POLB: variants seen among roughly 807,000 people sequenced by gnomAD.
POLB encodes the protein 5'-dRP lyase.
In POLB, 37 loss-of-function variants were observed where a neutral mutation model predicts 52.7. That is an observed-to-expected ratio of 0.70 (90% CI 0.54 to 0.92). The LOEUF (loss-of-function observed/expected upper bound fraction) is 0.92. POLB is among the 40% of genes least tolerant of loss of function. POLB has a pLI of 0.00. For missense variants in POLB, 313 were observed against 400.8 expected (o/e 0.78, Z 1.87); for synonymous variants, 138 against 131.3 (o/e 1.05, Z -0.35).
At chr8:42,362,368 CA>C (rs772283272) in intron 10 of POLB, among the ~76,000 whole-genome samples, 206 of 132,050 alleles carry the variant, frequency 1.6e-3, no homozygotes, top group Admixed American at 1.7e-3. Context: ...GATTCCCTGC[CA>C]AAAAAAAAAA....
intron 11 of POLB, among the ~76,000 whole-genome samples, chr8:42,363,204 C>A (rs1471704401): frequency 6.6e-6 from 1 of 151,416 alleles, no homozygotes; most frequent in African/African-American, 2.4e-5. Context: ...AAAGAATTTT[C>A]TTTTAATTCT....
At chr8:42,354,370 T>C (rs2130813149) in intron 6 of POLB, 2 of 781,518 alleles carry the variant, frequency 2.6e-6, no homozygotes, top group East Asian at 6.4e-5. Context: ...AGGGGGCTTG[T>C]AGGAATTGCT....
At chr8:42,344,129 C>A (rs1475573283) in intron 2 of POLB, among the ~76,000 whole-genome samples, 1 of 82,260 alleles carries the variant, frequency 1.2e-5, no homozygotes, top group East Asian at 3.5e-4. Context: ...GGCGAGACTC[C>A]GTCTCAAAAA....
rs3136778 is a variant in POLB at position 42,362,891 on chromosome 8, G to A, written c.708+193G>A. Among the ~76,000 whole-genome samples the A allele has an allele frequency of 4.4e-4, 67 of 152,304 alleles. No individual in the cohort carries two copies. In the East Asian group the frequency reaches 9.9e-3, roughly 22 times the overall value. On this transcript the variant is annotated intron_variant, in intron 11 of 13. Coordinates refer to ENST00000265421, the MANE Select transcript of POLB (RefSeq NM_002690.3). ...TGTGATCCCAGCCCTTTGGGAGGCCGAGGCGGGTGGATCGCCTGAGGTCGG... is the reference window on the plus strand; with the variant it reads ...TGTGATCCCAGCCCTTTGGGAGGCCAAGGCGGGTGGATCGCCTGAGGTCGG...
chr8:42,356,279 G>T (rs1423184589), intron 7 of POLB, among the ~76,000 whole-genome samples: 1 of 152,174 alleles, frequency 6.6e-6, no homozygotes, highest in South Asian at 2.1e-4. Flanking sequence ...GACCTGGATG[G>T]TATGGTTCTT....
chr8:42,355,714 A>G, intron 7 of POLB, 147 bp downstream of exon 7: 6 of 588,942 alleles, frequency 1.0e-5, no homozygotes, highest in Non-Finnish European at 1.6e-5. Flanking sequence ...GGACTCTTAC[A>G]GAGTATCTGC....
chr8:42,367,115 G>A lies in POLB; in HGVS notation c.709-2156G>A, dbSNP rs534496335. The stretch of plus-strand genomic sequence containing the variant: ...CCAGGGCAGCAGTTGTATTCAGTCA[G>A]TTCAGCAAATACATACAAGCATGTC... On this transcript the variant is annotated intron_variant, in intron 11 of 13. Coordinates refer to ENST00000265421, the MANE Select transcript of POLB (RefSeq NM_002690.3). Among the ~76,000 whole-genome samples the A allele has an allele frequency of 6.6e-5, 10 of 152,326 alleles. No individual in the cohort carries two copies. In the South Asian group the frequency reaches 1.2e-3, roughly 19 times the overall value.
chr8:42,367,573 A>G (rs1824122529), intron 11 of POLB, among the ~76,000 whole-genome samples: 1 of 152,198 alleles, frequency 6.6e-6, no homozygotes, highest in Non-Finnish European at 1.5e-5. Context: ...AACCATTCTC[A>G]TTCCATATCC....
rs1163249252 is a variant in POLB at position 42,363,527 on chromosome 8, CAAAAAAAAAAA to C, written c.708+848_708+858del. Among the ~76,000 whole-genome samples, 13 of 15,838 alleles carry C rather than the reference CAAAAAAAAAAA, an allele frequency of 8.2e-4. No homozygotes were observed. The South Asian group carries it at 0.017, about 21-fold the overall frequency. 10.4% of individuals were successfully genotyped at this position (15,838 alleles called of 152,430 possible). A position where few individuals can be genotyped will look rare whatever the true frequency, so the allele number is the denominator to read the frequency against. On this transcript the variant is annotated intron_variant, in intron 11 of 13. Coordinates refer to ENST00000265421, the MANE Select transcript of POLB (RefSeq NM_002690.3). ...TGGGTGACAGACCGAGACTCTGTCT[CAAAAAAAAAAA>C]AAAAAAAAAAAAAAAAAAGAATGGG...
chr8:42,340,527 C>T (rs1185988418), intron 2 of POLB, among the ~76,000 whole-genome samples: 1 of 152,140 alleles, frequency 6.6e-6, no homozygotes, highest in East Asian at 1.9e-4. Context: ...AAATCTGAAA[C>T]AATGCTGGTC....
chr8:42,360,815 C>G (rs909635589), intron 9 of POLB, among the ~76,000 whole-genome samples: 1 of 151,756 alleles, frequency 6.6e-6, no homozygotes, highest in African/African-American at 2.4e-5. Context: ...AACTCCTGGG[C>G]TCAGCGATCC....
intron 3 of POLB, 83 bp from the exon 4 acceptor site, chr8:42,348,933 A>G: frequency 2.7e-6 from 2 of 748,928 alleles, no homozygotes; most frequent in Non-Finnish European, 4.4e-6. Context: ...TTTGTTTTTC[A>G]TTTTCTGCTT....
At position 42,350,158 on chromosome 8, in the gene POLB, C is replaced by T. The variant is rs1822886274; in HGVS notation, c.320+93C>T. On this transcript the variant is annotated intron_variant, in intron 5 of 13. Transcript: ENST00000265421. ...TACATGCTGTTTCTCAAAACCTGTA[C>T]TTCACCACCTCTGTACCTTAGCCAT... is the stretch of plus-strand genomic sequence containing the variant. The T allele has an allele frequency of 6.0e-6, 5 of 831,352 alleles. No individual in the cohort carries two copies. The East Asian group carries it at 7.3e-5, about 12-fold the overall frequency. 51.5% of individuals were successfully genotyped at this position (831,352 alleles called of 1,614,324 possible).
intron 11 of POLB, among the ~76,000 whole-genome samples, chr8:42,366,543 T>C (rs1257524296): frequency 6.6e-6 from 1 of 152,200 alleles, no homozygotes; most frequent in Admixed American, 6.5e-5. Context: ...TCCCTGGAAC[T>C]TAAAAAAATA....
At chr8:42,362,540 A>G in intron 10 of POLB, 72 bp from the exon 11 acceptor site, 1 of 940,572 alleles carries the variant, frequency 1.1e-6, no homozygotes. Context: ...GTCTCTAAAA[A>G]TATTGTTAAA....
At chr8:42,341,931 C>G in intron 2 of POLB, 1 of 674,682 alleles carries the variant, frequency 1.5e-6, no homozygotes, top group Non-Finnish European at 2.7e-6. Context: ...GCAGCATGAG[C>G]TTTCATCTCC....
chr8:42,361,047 C>G (rs1823645991), intron 9 of POLB: 2 of 625,928 alleles, frequency 3.2e-6, no homozygotes, highest in South Asian at 3.1e-5. Flanking sequence ...ATTAAATTAA[C>G]TCGTTGTATG....
chr8:42,359,092 G>T (rs1000548631), intron 9 of POLB, among the ~76,000 whole-genome samples: 8 of 151,780 alleles, frequency 5.3e-5, no homozygotes, highest in African/African-American at 1.9e-4. Context: ...ACATAAAAAG[G>T]TATACTCTAA....
chr8:42,345,882 C>CTTA (rs1450112864), intron 3 of POLB, among the ~76,000 whole-genome samples: 1 of 152,172 alleles, frequency 6.6e-6, no homozygotes, highest in Non-Finnish European at 1.5e-5. Context: ...AGGACCATAT[C>CTTA]TTATTCATCT....
Sources: gnomAD v4.1 joint callset for allele counts (sites outside exome capture counted in the v4.1 genomes callset) on GRCh38, gnomAD v4.1.1 for gene constraint, MANE v1.5 for transcripts, NCBI Gene and HGNC (gene_info 2026-07-23, HGNC 2026-07-21) for gene names.